Variants in ITIH2 observed in about 807,000 individuals in gnomAD.
ITIH2 encodes the protein inter-alpha-trypsin inhibitor heavy chain H2.
A neutral mutation model predicts 104.4 loss-of-function variants in ITIH2; 103 were observed. That is an observed-to-expected ratio of 0.99 (90% CI 0.84 to 1.16). ITIH2 has a LOEUF of 1.16. Ranked by LOEUF, ITIH2 falls within the 50% of genes most tolerant of loss-of-function variation. The pLI is 0.00. For synonymous variants in ITIH2, 436 were observed against 435.4 expected, an observed-to-expected ratio of 1.00 and a Z score of -0.02; for missense variants, 1,108 against 1,162.4, an observed-to-expected ratio of 0.95 and a Z score of 0.68.
In ITIH2 at chr10:7,732,432, G is replaced by A. The variant is rs776259195; in HGVS notation, c.1742G>A (p.Arg581Lys). The A allele has an allele frequency of 9.3e-6, 15 of 1,613,906 alleles. No individual in the cohort carries two copies. The South Asian group carries it at 1.3e-4, about 14-fold the overall frequency. ...AAGCATGCAGATCCCGATTTCACCA[G>A]GAAACTGTGGGCCTATCTAACCATC... Reference protein sequence around the residue: ...KDKHADPDFTRKLWAYLTINQ... With the variant: ...KDKHADPDFTKKLWAYLTINQ... Residue 581 changes from arginine (R) to lysine (K), a missense_variant, in exon 14 of 21, where the codon AGG (arginine) becomes AAG (lysine). Arg to Lys is a conservative substitution (Grantham distance 26, BLOSUM62 2). Coordinates refer to ENST00000358415, the MANE Select transcript of ITIH2 (RefSeq NM_002216.3).
chr10:7,744,982 A>C lies in ITIH2; in HGVS notation c.2581+19A>C, dbSNP rs778459001. 4 of 1,608,984 alleles carry C rather than the reference A, an allele frequency of 2.5e-6. No homozygotes were observed. In the African/African-American group the frequency reaches 5.3e-5, roughly 22 times the overall value. ...CTAATAGGTAAAGTGTCTATTGACC[A>C]TCTGACAAGGGTGGGGCCGCTCTAA... On this transcript the variant is annotated intron_variant, in intron 19 of 20. Coordinates refer to ENST00000358415, the MANE Select transcript of ITIH2 (RefSeq NM_002216.3).
rs778910730 is a variant in ITIH2, at chr10:7,746,617, T to TA, written c.2607dup (p.His870ThrfsTer5). On this transcript the variant is annotated frameshift_variant, in exon 20 of 21. Transcript: ENST00000358415. LOFTEE classifies it high-confidence loss of function. ...GGCCAGTTCATGCAGGAACCAAAGA[T>TA]ACACATCTTCAATGAGAGACCAGGA... 2.5e-6 allele frequency: 4 copies of TA among 1,613,248 alleles called. No individual in the cohort carries two copies. Among genetic ancestry groups the TA allele is most frequent in the South Asian group, 1.1e-5 (1 of 91,034 alleles).
Position 7,738,769 on chromosome 10 carries a change from T to C in ITIH2, c.2095+11T>C, listed in dbSNP as rs763923645. On this transcript the variant is annotated intron_variant, in intron 16 of 20. Coordinates refer to ENST00000358415, the MANE Select transcript of ITIH2 (RefSeq NM_002216.3). ...CACATGTGATGAGAGGTAACGCTTC[T>C]ACACTGCTTGCACGTCCCAGAACTC... 1.3e-6 allele frequency: 2 copies of C among 1,587,230 alleles called. No homozygotes were observed. Among genetic ancestry groups the C allele is most frequent in the African/African-American group, 2.7e-5 (2 of 73,410 alleles).
Position 7,727,799 on chromosome 10 carries a change from T to G in ITIH2, c.1250T>G (p.Ile417Ser). ...GACCCCAACTCCGTCTCGCTGATCATTTTGGTTTCTGATGGAGATCCAACA... is the reference window on the plus strand; with the variant it reads ...GACCCCAACTCCGTCTCGCTGATCAGTTTGGTTTCTGATGGAGATCCAACA... ...LLDPNSVSLI[I>S]LVSDGDPTVG... Residue 417 changes from isoleucine to serine, a missense_variant, in exon 11 of 21, where the codon ATT becomes AGT. Coordinates refer to ENST00000358415, the MANE Select transcript of ITIH2 (RefSeq NM_002216.3). 1 of 1,614,012 alleles carries G rather than the reference T, an allele frequency of 6.2e-7. No individual in the cohort carries two copies. Among genetic ancestry groups the G allele is most frequent in the East Asian group, 2.2e-5 (1 of 44,896 alleles).
chr10:7,706,532 G>A (rs112258838), intron 2 of ITIH2, among the ~76,000 whole-genome samples: 7,672 of 152,258 alleles, frequency 0.05, 262 homozygotes, highest in Admixed American at 0.078. Flanking sequence ...CACTGTGGAG[G>A]AAATACATGA....
In ITIH2 at chr10:7,721,731, T is replaced by G. The variant is rs1834905489; in HGVS notation, c.821T>G (p.Val274Gly). The G allele has an allele frequency of 1.2e-6, 2 of 1,613,942 alleles. No individual in the cohort carries two copies. The highest frequency in any genetic ancestry group is 1.7e-6 in the Non-Finnish European group (2 of 1,179,926). ...GAGACTGCGGTAGATGGGGAACTGG[T>G]GGTGCTGTATGACGTGAAAAGAGAA... Reference protein sequence around the residue: ...CRETAVDGELVVLYDVKREEK... With the variant: ...CRETAVDGELGVLYDVKREEK... Residue 274 changes from valine to glycine, a missense_variant, in exon 8 of 21, where the codon GTG becomes GGG. Physicochemically the swap from Val to Gly is moderately radical, Grantham distance 109. Coordinates refer to ENST00000358415, the MANE Select transcript of ITIH2 (RefSeq NM_002216.3).
At chr10:7,742,357 T>C (rs547501925) in intron 16 of ITIH2, among the ~76,000 whole-genome samples, 1 of 152,268 alleles carries the variant, frequency 6.6e-6, no homozygotes, top group East Asian at 1.9e-4. Flanking sequence ...TGATTCTTCA[T>C]TGCTTTTGGA....
At position 7,703,402 on chromosome 10, in the gene ITIH2, G is replaced by T. The variant is rs1388315338; in HGVS notation, c.-33G>T. 2.6e-6 allele frequency: 4 copies of T among 1,511,934 alleles called. No individual in the cohort carries two copies. Among genetic ancestry groups the T allele is most frequent in the Non-Finnish European group, 2.8e-6 (3 of 1,086,954 alleles). 93.7% of individuals were successfully genotyped at this position (1,511,934 alleles called of 1,614,324 possible). ...AAGTGATATCCTCCCCAGACCATCTGCTTTGGGGAGCTTGGCAAAACTGTC... is the reference window on the plus strand; with the variant it reads ...AAGTGATATCCTCCCCAGACCATCTTCTTTGGGGAGCTTGGCAAAACTGTC... On this transcript the variant is annotated 5_prime_UTR_variant, in exon 1 of 21. Transcript: ENST00000358415.
intron 15 of ITIH2, 93 bp from the exon 16 acceptor site, chr10:7,738,528 C>T (rs1165087918): frequency 2.9e-6 from 4 of 1,400,826 alleles, no homozygotes; most frequent in African/African-American, 1.4e-5. Context: ...GCTGACAATA[C>T]CTGGGGGTGC....
rs1834868151 is a variant in ITIH2 at position 7,718,128 on chromosome 10, G to A, written c.630+340G>A. Among the ~76,000 whole-genome samples the A allele has an allele frequency of 3.3e-5, 5 of 152,258 alleles. No homozygotes were observed. In the South Asian group the frequency reaches 6.2e-4, roughly 19 times the overall value. ...CTCTCTCTCTCTGGAGGCTCCAGGG[G>A]AGAGCCCGTTCCTTGCTTCTCCTGC... is the stretch of plus-strand genomic sequence containing the variant. On this transcript the variant is annotated intron_variant, in intron 6 of 20. Coordinates refer to ENST00000358415, the MANE Select transcript of ITIH2 (RefSeq NM_002216.3).
intron 4 of ITIH2, among the ~76,000 whole-genome samples, chr10:7,712,801 TGCTC>T (rs993616136): frequency 1.3e-5 from 2 of 152,198 alleles, no homozygotes; most frequent in African/African-American, 4.8e-5. Context: ...TTGGGTTGTT[TGCTC>T]GCTCTTGTTT....
At chr10:7,737,653 T>TTATATTCTATATTCTATATAATATTCTA (rs1431152328) in intron 15 of ITIH2, among the ~76,000 whole-genome samples, 2 of 84,568 alleles carry the variant, frequency 2.4e-5, no homozygotes, top group African/African-American at 1.2e-4. Flanking sequence ...ATATTCTATA[T>TTATATTCTATATTCTATATAATATTCTA]TATATTCTAT....
intron 8 of ITIH2, among the ~76,000 whole-genome samples, 199 bp from the exon 9 acceptor site, chr10:7,723,252 G>T (rs1328381060): frequency 6.6e-6 from 1 of 152,110 alleles, no homozygotes; most frequent in African/African-American, 2.4e-5. Context: ...GAGTGGAGCG[G>T]AATGTTCTGC....
In ITIH2 at chr10:7,719,076, G is replaced by A. The variant is rs78573237; in HGVS notation, c.630+1288G>A. The stretch of plus-strand genomic sequence containing the variant: ...ACAGAGGCCAACATGCCCCTCCCCC[G>A]GCAGATGGGAGAGTAAAGCAGACAG... On this transcript the variant is annotated intron_variant, in intron 6 of 20. Coordinates refer to ENST00000358415, the MANE Select transcript of ITIH2 (RefSeq NM_002216.3). Among the ~76,000 whole-genome samples the A allele has an allele frequency of 8.9e-4, 135 of 152,282 alleles. 2 individuals carry two copies. The East Asian group carries it at 0.022, about 24-fold the overall frequency.
At chr10:7,706,009 C>A (rs556690570) in intron 2 of ITIH2, among the ~76,000 whole-genome samples, 2 of 152,148 alleles carry the variant, frequency 1.3e-5, no homozygotes, top group African/African-American at 4.8e-5. Flanking sequence ...TTCTTCCCCA[C>A]GGAGCCCACA....
In ITIH2 at chr10:7,744,953, C is replaced by G; in HGVS notation, c.2571C>G (p.His857Gln). Residue 857 changes from histidine to glutamine, a missense_variant, in exon 19 of 21, where the codon CAC becomes CAG. Physicochemically the swap from His to Gln is conservative, Grantham distance 24. Coordinates refer to ENST00000358415, the MANE Select transcript of ITIH2 (RefSeq NM_002216.3). ...CAAACAAGTTCTCACCTAAAGCCCA[C>G]GGACTAATAGGTAAAGTGTCTATTG... ...PPTNKFSPKA[H>Q]GLIGQFMQEP... The G allele has an allele frequency of 6.2e-7, 1 of 1,613,334 alleles. No homozygotes were observed. Among genetic ancestry groups the G allele is most frequent in the East Asian group, 2.2e-5 (1 of 44,874 alleles).
chr10:7,722,370 C>A (rs1174158882), intron 8 of ITIH2, among the ~76,000 whole-genome samples: 4 of 152,058 alleles, frequency 2.6e-5, no homozygotes, highest in Non-Finnish European at 5.9e-5. Flanking sequence ...AGCCAAAGGG[C>A]AGAGGAAAGA....
intron 6 of ITIH2, among the ~76,000 whole-genome samples, chr10:7,719,275 C>T (rs930081883): frequency 7.9e-5 from 12 of 152,208 alleles, no homozygotes; most frequent in African/African-American, 2.4e-4. Context: ...TAGCACATAC[C>T]GTGCTTTTGC....
At chr10:7,728,983 G>C (rs1834975609) in intron 11 of ITIH2, among the ~76,000 whole-genome samples, 1 of 152,148 alleles carries the variant, frequency 6.6e-6, no homozygotes, top group African/African-American at 2.4e-5. Flanking sequence ...TTCAAGTTTT[G>C]AATGAAATCA....
Sources: allele counts gnomAD v4.1 joint callset (sites outside exome capture counted in the v4.1 genomes callset), GRCh38; gene constraint gnomAD v4.1.1; transcripts MANE v1.5; gene names NCBI Gene and HGNC (gene_info 2026-07-23, HGNC 2026-07-21).